Variants in AGO2 observed in about 807,000 individuals in gnomAD.
AGO2 encodes the protein argonaute RISC catalytic component 2, also known as protein argonaute-2.
Under a neutral mutation model 102.3 loss-of-function variants are expected in AGO2, and 5 were observed. The observed-to-expected ratio is 0.05, with a 90% CI of 0.03 to 0.10. AGO2 has a LOEUF of 0.10. Among genes scored for constraint, AGO2 ranks in the 10% least tolerant of loss-of-function variants. The pLI, the probability that AGO2 is intolerant of heterozygous loss-of-function variation, is 1.00. For missense variants in AGO2, 541 were observed against 1,183.7 expected, an observed-to-expected ratio of 0.46 and a Z score of 7.97; for synonymous variants, 449 against 473.1, an observed-to-expected ratio of 0.95 and a Z score of 0.66.
intron 1 of AGO2, among the ~76,000 whole-genome samples, chr8:140,633,060 G>C (rs1201019555): frequency 1.3e-5 from 2 of 151,958 alleles, no homozygotes; most frequent in Non-Finnish European, 2.9e-5. Flanking sequence ...CTACAGGCGT[G>C]CACCACCACG....
intron 1 of AGO2, among the ~76,000 whole-genome samples, chr8:140,598,193 C>G (rs2073877088): frequency 6.6e-6 from 1 of 152,200 alleles, no homozygotes. Context: ...CGTCCACGAC[C>G]CGTATGGGAA....
chr8:140,626,958 G>A (rs575246304), intron 1 of AGO2: 6 of 152,340 alleles, frequency 3.9e-5, no homozygotes, highest in East Asian at 3.9e-4. Flanking sequence ...GCCTGCACAC[G>A]AGCATGGGGC....
Position 140,536,217 on chromosome 8 carries a change from C to G in AGO2, c.2170-648G>C, listed in dbSNP as rs542621806. Among the ~76,000 whole-genome samples, 5 of 152,366 alleles carry G rather than the reference C, an allele frequency of 3.3e-5. No individual in the cohort carries two copies. In the East Asian group the frequency reaches 7.7e-4, roughly 23 times the overall value. On this transcript the variant is annotated intron_variant, in intron 16 of 18. Transcript: ENST00000220592. The stretch of plus-strand genomic sequence containing the variant: ...CCACGCCAGCAGCAAACCCCCACCC[C>G]ACAAGCCCTGCTCCAGCATTTAGCA...
intron 6 of AGO2, 58 bp from the exon 7 acceptor site, chr8:140,558,630 C>A (rs748313180): frequency 2.6e-6 from 4 of 1,540,178 alleles, no homozygotes; most frequent in Non-Finnish European, 2.7e-6. Context: ...AGTGCAGGCG[C>A]CACTTGCGAG....
At chr8:140,632,342 C>T (rs910296974) in intron 1 of AGO2, among the ~76,000 whole-genome samples, 5 of 152,368 alleles carry the variant, frequency 3.3e-5, no homozygotes, top group African/African-American at 1.2e-4. Flanking sequence ...TGATATCCTG[C>T]CATGGCAGAT....
chr8:140,560,529 AC>A lies in AGO2; in HGVS notation c.519-20del, dbSNP rs774145764. 3 of 1,599,784 alleles carry A rather than the reference AC, an allele frequency of 1.9e-6. No homozygotes were observed. The highest frequency in any genetic ancestry group is 1.3e-5 in the African/African-American group (1 of 74,544). ...GGTGTACCTGGAACCAAGAGACCCC[AC>A]CCCGCCTCCCGTCAGATGTGTCTTC... On this transcript the variant is annotated intron_variant, in intron 4 of 18. Transcript: ENST00000220592.
chr8:140,572,785 C>T, intron 3 of AGO2, 27 bp downstream of exon 3: 4 of 1,604,732 alleles, frequency 2.5e-6, no homozygotes, highest in Non-Finnish European at 3.4e-6. Flanking sequence ...GTATGTTACT[C>T]CACCAAGGGC....
chr8:140,632,094 A>G (rs139561980), intron 1 of AGO2, among the ~76,000 whole-genome samples: 1 of 152,398 alleles, frequency 6.6e-6, no homozygotes, highest in Non-Finnish European at 1.5e-5. Context: ...CAACACACAG[A>G]GAATAAGCCC....
At chr8:140,595,615 A>AT (rs2073814638) in intron 1 of AGO2, among the ~76,000 whole-genome samples, 1 of 124,972 alleles carries the variant, frequency 8.0e-6, no homozygotes, top group African/African-American at 3.0e-5. Context: ...CTATATATAT[A>AT]ATATATATAT....
Position 140,528,564 on chromosome 8 carries a change from C to T in AGO2, c.*3480G>A, listed in dbSNP as rs1401359561. On this transcript the variant is annotated 3_prime_UTR_variant, in exon 19 of 19. Transcript: ENST00000220592. This position sits in a 1 kb window ranked among gnomAD's most constrained non-coding sequence, Gnocchi z 4.5. ...GGCAAGCTGTACAATGGTCACGCAT[C>T]GTTTGTGGTTCTAGAGTGCAAACAT... The T allele has an allele frequency of 6.6e-6, 1 of 152,144 alleles. No homozygotes were observed. Among genetic ancestry groups the T allele is most frequent in the Non-Finnish European group, 1.5e-5 (1 of 68,046 alleles). The allele number at this position is 152,144 out of a possible 1,614,324, so 9.4% of individuals were successfully genotyped here.
Position 140,521,691 on chromosome 8 carries a change from A to C in AGO2, c.*10353T>G, listed in dbSNP as rs1358164058. On this transcript the variant is annotated 3_prime_UTR_variant, in exon 19 of 19. Coordinates refer to ENST00000220592, the MANE Select transcript of AGO2 (RefSeq NM_012154.5). Reference sequence around the variant, plus strand: ...GGCACACAGGGCCGCTGCTGAATGCAGGCCTCTGCCTCCACAAAGCCACGA... The same window carrying C: ...GGCACACAGGGCCGCTGCTGAATGCCGGCCTCTGCCTCCACAAAGCCACGA... The C allele has an allele frequency of 6.6e-6, 1 of 152,268 alleles. No homozygotes were observed. The highest frequency in any genetic ancestry group is 2.1e-4 in the South Asian group (1 of 4,834). The allele number at this position is 152,268 out of a possible 1,614,324, so 9.4% of individuals were successfully genotyped here.
At chr8:140,635,669 G>A (rs1437201288), upstream of AGO2, 1 of 284,654 alleles carries the variant, frequency 3.5e-6, no homozygotes, top group African/African-American at 2.3e-5. Flanking sequence ...GGGCGGAGGC[G>A]GCGGCGGGAG....
intron 1 of AGO2, 31 bp from the exon 2 acceptor site, chr8:140,585,342 G>T: frequency 6.2e-7 from 1 of 1,606,998 alleles, no homozygotes; most frequent in South Asian, 1.1e-5. Flanking sequence ...CCCATTAACG[G>T]GGGAGCAGGC....
chr8:140,640,670 C>T, the AGO2 span, among the ~76,000 whole-genome samples: 1 of 152,156 alleles, frequency 6.6e-6, no homozygotes, highest in Admixed American at 6.5e-5. Flanking sequence ...CTGGCATGCG[C>T]CACCATGCCC....
chr8:140,552,733 C>CGCGCGT (rs1343838142), intron 10 of AGO2, among the ~76,000 whole-genome samples: 2 of 122,374 alleles, frequency 1.6e-5, no homozygotes, highest in African/African-American at 7.0e-5. Flanking sequence ...CATGCACGCG[C>CGCGCGT]GCGCGCGCAC....
intron 1 of AGO2, among the ~76,000 whole-genome samples, chr8:140,591,311 C>G (rs1486621692): frequency 6.6e-6 from 1 of 152,184 alleles, no homozygotes. Context: ...AGCAGGGGAG[C>G]AGTCACCCCA....
At chr8:140,552,269 C>A (rs1005932241) in intron 10 of AGO2, among the ~76,000 whole-genome samples, 3 of 152,228 alleles carry the variant, frequency 2.0e-5, no homozygotes, top group Non-Finnish European at 4.4e-5. Flanking sequence ...GCTACTTCCA[C>A]TTGAGAAGAG....
At chr8:140,615,385 C>G (rs1284712606) in intron 1 of AGO2, among the ~76,000 whole-genome samples, 1 of 152,258 alleles carries the variant, frequency 6.6e-6, no homozygotes, top group Non-Finnish European at 1.5e-5. Flanking sequence ...AGCACCCACT[C>G]CTTGCCCACC....
In AGO2 at chr8:140,523,042, G is replaced by A. The variant is rs1055660863; in HGVS notation, c.*9002C>T. The A allele has an allele frequency of 6.6e-6, 1 of 152,206 alleles. No individual in the cohort carries two copies. The highest frequency in any genetic ancestry group is 2.4e-5 in the African/African-American group (1 of 41,452). 9.4% of individuals were successfully genotyped at this position (152,206 alleles called of 1,614,324 possible). On this transcript the variant is annotated 3_prime_UTR_variant, in exon 19 of 19. Coordinates refer to ENST00000220592, the MANE Select transcript of AGO2 (RefSeq NM_012154.5). ...TTTTATAATTAATTTTACAATTCAT[G>A]TAGCAAATGGAAAATCATACAGAGA... is the stretch of plus-strand genomic sequence containing the variant.
Sources: allele counts gnomAD v4.1 joint callset (sites outside exome capture counted in the v4.1 genomes callset), GRCh38; gene constraint gnomAD v4.1.1; non-coding constraint Gnocchi (gnomAD v3.1); transcripts MANE v1.5; gene names NCBI Gene and HGNC (gene_info 2026-07-23, HGNC 2026-07-21).